ADAM12: variants seen among roughly 807,000 people sequenced by gnomAD.
ADAM12 encodes disintegrin and metalloproteinase domain-containing protein 12.
Under a neutral mutation model 106.4 loss-of-function variants are expected in ADAM12, and 70 were observed. The observed-to-expected ratio is 0.66, with a 90% confidence interval of 0.54 to 0.80. ADAM12 has a LOEUF of 0.80. ADAM12 is among the 30% of genes least tolerant of loss of function. The probability of loss-of-function intolerance (pLI) is 0.00; values close to 1 mark genes in which losing one functional copy is unlikely to be tolerated. For synonymous variants in ADAM12, 420 were observed against 433.5 expected, an observed-to-expected ratio of 0.97 and a Z score of 0.39; for missense variants, 1,010 against 1,171.9, an observed-to-expected ratio of 0.86 and a Z score of 2.02.
intron 3 of ADAM12, among the ~76,000 whole-genome samples, chr10:126,213,102 T>C (rs549921982): frequency 4.6e-5 from 7 of 152,220 alleles, no homozygotes; most frequent in African/African-American, 1.4e-4. Flanking sequence ...TCCAGCACAG[T>C]GTTGAGCAGA....
chr10:126,374,683 A>AGATGAAG (rs1465524253), intron 1 of ADAM12, among the ~76,000 whole-genome samples: 1 of 152,232 alleles, frequency 6.6e-6, no homozygotes, highest in African/African-American at 2.4e-5. Flanking sequence ...AGTGATAAAG[A>AGATGAAG]GATGAAGAGA....
intron 11 of ADAM12, 71 bp from the exon 12 acceptor site, chr10:126,071,725 C>T (rs1012712533): frequency 1.9e-6 from 3 of 1,555,242 alleles, no homozygotes; most frequent in Middle Eastern, 3.4e-4. Flanking sequence ...CTTGTGCCCA[C>T]AAGAAGGCAC....
At chr10:126,344,561 A>C (rs1357154450) in intron 1 of ADAM12, among the ~76,000 whole-genome samples, 1 of 152,168 alleles carries the variant, frequency 6.6e-6, no homozygotes, top group Non-Finnish European at 1.5e-5. Context: ...TCTGTGAAGA[A>C]AGTCATTGGT....
chr10:126,093,911 T>G lies in ADAM12; in HGVS notation c.1145+74A>C. On this transcript the variant is annotated intron_variant, in intron 11 of 22. Transcript: ENST00000448723. ...CTCTGACCAGAAAACCAGAGACACTTTGACTCATCTGGTTCCCAACACACA... is the reference window on the plus strand; with the variant it reads ...CTCTGACCAGAAAACCAGAGACACTGTGACTCATCTGGTTCCCAACACACA... 5 of 1,576,448 alleles carry G rather than the reference T, an allele frequency of 3.2e-6. No homozygotes were observed. In the South Asian group the frequency reaches 4.7e-5, roughly 15 times the overall value.
chr10:126,211,896 G>T (rs1471570996), intron 3 of ADAM12, among the ~76,000 whole-genome samples: 4 of 152,242 alleles, frequency 2.6e-5, no homozygotes, highest in African/African-American at 9.6e-5. Flanking sequence ...CTGTGCTTCA[G>T]TTATTTTGAG....
intron 8 of ADAM12, among the ~76,000 whole-genome samples, chr10:126,104,803 C>A (rs968108420): frequency 6.6e-5 from 10 of 152,210 alleles, no homozygotes. Flanking sequence ...TCTAGGATGT[C>A]CTCTTTCTCC....
chr10:126,169,413 T>C (rs997666651), intron 3 of ADAM12, among the ~76,000 whole-genome samples: 1 of 152,226 alleles, frequency 6.6e-6, no homozygotes, highest in Non-Finnish European at 1.5e-5. Flanking sequence ...AGAGTCTGTC[T>C]GGGTCCCTCC....
intron 3 of ADAM12, among the ~76,000 whole-genome samples, chr10:126,204,717 C>T (rs1565136847): frequency 6.6e-6 from 1 of 152,214 alleles, no homozygotes; most frequent in Non-Finnish European, 1.5e-5. Flanking sequence ...GCTGTGAGGC[C>T]TTGTGTGACC....
intron 5 of ADAM12, among the ~76,000 whole-genome samples, chr10:126,127,956 G>A (rs1369052529): frequency 1.3e-5 from 2 of 152,206 alleles, no homozygotes; most frequent in East Asian, 1.9e-4. Flanking sequence ...ACAGCATGGC[G>A]GGAATAGGGT....
chr10:126,267,642 A>G (rs1959124922), intron 3 of ADAM12, among the ~76,000 whole-genome samples: 2 of 152,130 alleles, frequency 1.3e-5, no homozygotes, highest in Middle Eastern at 3.2e-3. Context: ...AATCTGAGTG[A>G]TGGGGAGCAG....
chr10:126,168,032 C>T (rs1957055063), intron 3 of ADAM12, among the ~76,000 whole-genome samples: 1 of 152,206 alleles, frequency 6.6e-6, no homozygotes, highest in Admixed American at 6.5e-5. Context: ...ACCTTTCTCC[C>T]TTCCTGTCCC....
At chr10:126,199,241 C>T (rs1957652762) in intron 3 of ADAM12, among the ~76,000 whole-genome samples, 1 of 152,156 alleles carries the variant, frequency 6.6e-6, no homozygotes, top group Non-Finnish European at 1.5e-5. Context: ...ATTTCAAAGC[C>T]TTGGACAATG....
chr10:126,024,362 A>G (rs963643684), intron 21 of ADAM12, among the ~76,000 whole-genome samples: 1 of 152,214 alleles, frequency 6.6e-6, no homozygotes, highest in Non-Finnish European at 1.5e-5. Flanking sequence ...AGTTATTTCT[A>G]TGTAGAATAA....
chr10:126,235,569 G>A (rs554067302), intron 3 of ADAM12, among the ~76,000 whole-genome samples: 48 of 152,196 alleles, frequency 3.2e-4, no homozygotes, highest in Admixed American at 2.2e-3. Flanking sequence ...GCGGGCTCGA[G>A]CTATCTCACG....
chr10:126,123,667 C>T (rs979505371), intron 5 of ADAM12, among the ~76,000 whole-genome samples: 7 of 152,194 alleles, frequency 4.6e-5, no homozygotes, highest in Admixed American at 3.9e-4. Context: ...GTCCAAGGTG[C>T]GCAGGTGGCA....
intron 2 of ADAM12, among the ~76,000 whole-genome samples, chr10:126,298,125 G>A (rs1226743324): frequency 5.3e-5 from 8 of 151,974 alleles, no homozygotes; most frequent in African/African-American, 1.7e-4. Flanking sequence ...ACATCATCTA[G>A]CGGCTCAATT....
intron 11 of ADAM12, among the ~76,000 whole-genome samples, chr10:126,082,623 G>A (rs1453932602): frequency 2.6e-5 from 4 of 151,856 alleles, no homozygotes; most frequent in East Asian, 1.9e-4. Context: ...CACCCACCTC[G>A]GCCTCCCAAA....
chr10:126,285,937 T>C (rs905198806), intron 2 of ADAM12, among the ~76,000 whole-genome samples: 1 of 151,014 alleles, frequency 6.6e-6, no homozygotes, highest in Non-Finnish European at 1.5e-5. Context: ...GTGCAAAAAG[T>C]GATGATTGAT....
chr10:126,246,687 C>T (rs1958636864), intron 3 of ADAM12, among the ~76,000 whole-genome samples: 4 of 152,146 alleles, frequency 2.6e-5, no homozygotes, highest in Admixed American at 2.6e-4. Context: ...TTCAACACCC[C>T]CTCATGTTAA....
Sources: gnomAD v4.1 joint callset for allele counts (sites outside exome capture counted in the v4.1 genomes callset) on GRCh38, gnomAD v4.1.1 for gene constraint, MANE v1.5 for transcripts, NCBI Gene and HGNC (gene_info 2026-07-23, HGNC 2026-07-21) for gene names.